SEC22A: variants seen among roughly 807,000 people sequenced by gnomAD.
SEC22A encodes SEC22 homolog A, vesicle trafficking protein.
A neutral mutation model predicts 35.3 loss-of-function variants in SEC22A; 22 were observed. The ratio of observed to expected loss-of-function variants is 0.62; its 90% CI spans 0.45 to 0.89. SEC22A has a LOEUF of 0.89. Ranked by LOEUF, SEC22A falls within the 40% of genes least tolerant of loss-of-function variation. The pLI is 0.00. For missense variants in SEC22A, 354 were observed against 362.5 expected, an observed-to-expected ratio of 0.98 and a Z score of 0.19; for synonymous variants, 119 against 129.5, an observed-to-expected ratio of 0.92 and a Z score of 0.55.
chr3:123,209,088 TG>T, intron 1 of SEC22A, 110 bp from the exon 2 acceptor site: 1 of 815,568 alleles, frequency 1.2e-6, no homozygotes, highest in Non-Finnish European at 2.0e-6. Flanking sequence ...CCACCACACC[TG>T]GCCATTTTAA....
intron 4 of SEC22A, among the ~76,000 whole-genome samples, chr3:123,238,689 C>T (rs1038130215): frequency 1.3e-5 from 2 of 152,168 alleles, no homozygotes; most frequent in African/African-American, 4.8e-5. Context: ...CCCTCTGTTA[C>T]AGTATCTTAC....
intron 2 of SEC22A, among the ~76,000 whole-genome samples, chr3:123,220,064 A>T (rs1576486951): frequency 1.3e-5 from 2 of 152,244 alleles, no homozygotes; most frequent in African/African-American, 4.8e-5. Flanking sequence ...AAATGCTCAC[A>T]TGCCATGTTA....
At chr3:123,255,059 A>G (rs1480993030) in intron 5 of SEC22A, among the ~76,000 whole-genome samples, 1 of 152,150 alleles carries the variant, frequency 6.6e-6, no homozygotes, top group Non-Finnish European at 1.5e-5. Flanking sequence ...TGCCAAATAC[A>G]GCAGAAACTC....
chr3:123,232,620 G>A (rs1012272942), intron 4 of SEC22A, among the ~76,000 whole-genome samples: 1 of 152,194 alleles, frequency 6.6e-6, no homozygotes, highest in Non-Finnish European at 1.5e-5. Context: ...GCCGAAGCAG[G>A]TAGATGGCTT....
At chr3:123,235,058 A>C (rs1446510271) in intron 4 of SEC22A, among the ~76,000 whole-genome samples, 2 of 151,906 alleles carry the variant, frequency 1.3e-5, no homozygotes, top group Non-Finnish European at 1.5e-5. Flanking sequence ...GGACATCATC[A>C]AAGCTAAAAA....
intron 4 of SEC22A, among the ~76,000 whole-genome samples, chr3:123,229,130 A>G (rs906127901): frequency 1.3e-5 from 2 of 152,230 alleles, no homozygotes; most frequent in African/African-American, 2.4e-5. Flanking sequence ...CTGCTCTTGC[A>G]GGAAGCTCAG....
Position 123,272,008 on chromosome 3 carries a change from C to A in SEC22A, c.*286C>A. ...CCATTGGAAGTCTTGGCCAGCAGTCCTGAATCCTTCCTGAAGAGTTCAGAA... is the reference window on the plus strand; with the variant it reads ...CCATTGGAAGTCTTGGCCAGCAGTCATGAATCCTTCCTGAAGAGTTCAGAA... On this transcript the variant is annotated 3_prime_UTR_variant, in exon 7 of 7. Coordinates refer to ENST00000492595, the MANE Select transcript of SEC22A (RefSeq NM_012430.5). 2.4e-6 allele frequency: 1 copy of A among 422,082 alleles called. No individual in the cohort carries two copies. The highest frequency in any genetic ancestry group is 4.5e-5 in the East Asian group (1 of 22,302). The allele number at this position is 422,082 out of a possible 1,614,324, so 26.1% of individuals were successfully genotyped here.
rs939986934 is a variant in SEC22A at position 123,265,467 on chromosome 3, G to GT, written c.723+5889dup. ...CTCTTAACAGGTTTTTTCCCAGTCA[G>GT]TTTTTTTTTTTAATGGTTTCAGATC... is the stretch of plus-strand genomic sequence containing the variant. On this transcript the variant is annotated intron_variant, in intron 6 of 6. Transcript: ENST00000492595. 7.1e-3 allele frequency among the ~76,000 whole-genome samples: 997 copies of GT among 140,666 alleles called. 9 individuals carry two copies. Among genetic ancestry groups the GT allele is most frequent in the Non-Finnish European group, 8.6e-3 (553 of 64,118 alleles). 92.3% of individuals were successfully genotyped at this position (140,666 alleles called of 152,430 possible).
Position 123,259,585 on chromosome 3 carries a change from A to AC in SEC22A, c.721dup (p.Gln241ProfsTer32). ...TTCCTTGGAACAGCAGCCTGCCTTT[A>AC]CCAGGTAGGTTTTCTTCCATTTTAA... On this transcript the variant is annotated frameshift_variant, in exon 6 of 7. Coordinates refer to ENST00000492595, the MANE Select transcript of SEC22A (RefSeq NM_012430.5). LOFTEE classifies it high-confidence loss of function. 6.2e-7 allele frequency: 1 copy of AC among 1,609,244 alleles called. No homozygotes were observed. The highest frequency in any genetic ancestry group is 8.5e-7 in the Non-Finnish European group (1 of 1,176,048).
chr3:123,269,825 G>C (rs1372006405), intron 6 of SEC22A, among the ~76,000 whole-genome samples: 2 of 151,778 alleles, frequency 1.3e-5, no homozygotes, highest in Non-Finnish European at 2.9e-5. Context: ...GTAGAGACAG[G>C]GTTTCACTGT....
At chr3:123,218,446 G>A (rs893230972) in intron 2 of SEC22A, among the ~76,000 whole-genome samples, 9 of 152,102 alleles carry the variant, frequency 5.9e-5, no homozygotes, top group Non-Finnish European at 1.5e-5. Context: ...GAGAAAAGAG[G>A]AGAGAGTGTG....
intron 5 of SEC22A, among the ~76,000 whole-genome samples, chr3:123,246,889 G>T (rs1341695470): frequency 6.6e-6 from 1 of 152,126 alleles, no homozygotes; most frequent in African/African-American, 2.4e-5. Context: ...ACCCTCAGAG[G>T]GTATCTTTCT....
intron 4 of SEC22A, among the ~76,000 whole-genome samples, chr3:123,242,996 C>T (rs933265136): frequency 1.1e-4 from 16 of 152,098 alleles, no homozygotes; most frequent in Admixed American, 2.0e-4. Context: ...CAGTGGTTCC[C>T]CATTGTCTAA....
At chr3:123,227,361 CCT>C (rs535255523) in intron 4 of SEC22A, among the ~76,000 whole-genome samples, 240 of 152,258 alleles carry the variant, frequency 1.6e-3, no homozygotes, top group African/African-American at 5.6e-3. Context: ...TCCTTTCCAT[CCT>C]CTTAGACTAG....
At chr3:123,205,041 G>A (rs887427733) in intron 1 of SEC22A, among the ~76,000 whole-genome samples, 1 of 145,978 alleles carries the variant, frequency 6.9e-6, no homozygotes, top group Non-Finnish European at 1.5e-5. Context: ...GTCCAGATAA[G>A]ATTAGTTTAA....
chr3:123,211,482 C>T (rs1391585575), intron 2 of SEC22A, among the ~76,000 whole-genome samples: 1 of 152,002 alleles, frequency 6.6e-6, no homozygotes, highest in African/African-American at 2.4e-5. Flanking sequence ...TTTTAAGACA[C>T]TGGGGCTTGC....
chr3:123,250,010 G>A (rs981943168), intron 5 of SEC22A, among the ~76,000 whole-genome samples: 2 of 152,168 alleles, frequency 1.3e-5, no homozygotes, highest in South Asian at 2.1e-4. Context: ...GCAGAGGAGA[G>A]AAGAAAAATA....
chr3:123,221,911 T>A (rs1230439538), intron 2 of SEC22A, among the ~76,000 whole-genome samples: 3 of 152,202 alleles, frequency 2.0e-5, no homozygotes, highest in East Asian at 1.9e-4. Context: ...TGATTTATTT[T>A]TTTTTTCCTG....
At chr3:123,262,640 A>G (rs1344449041) in intron 6 of SEC22A, among the ~76,000 whole-genome samples, 1 of 152,218 alleles carries the variant, frequency 6.6e-6, no homozygotes, top group Non-Finnish European at 1.5e-5. Flanking sequence ...GATTTTGCCC[A>G]GCTGTAGGCC....
Sources: allele counts gnomAD v4.1 joint callset (sites outside exome capture counted in the v4.1 genomes callset), GRCh38; gene constraint gnomAD v4.1.1; transcripts MANE v1.5; gene names NCBI Gene and HGNC (gene_info 2026-07-23, HGNC 2026-07-21).